DPYD: variants seen among roughly 807,000 people sequenced by gnomAD.
DPYD encodes dihydropyrimidine dehydrogenase, also known as dihydropyrimidine dehydrogenase [NADP(+)].
A neutral mutation model predicts 116.2 loss-of-function variants in DPYD; 109 were observed. The ratio of observed to expected loss-of-function variants is 0.94; its 90% confidence interval spans 0.80 to 1.10. DPYD has a LOEUF of 1.10. Ranked by LOEUF, DPYD falls within the 50% of genes least tolerant of loss-of-function variation. DPYD has a pLI of 0.00. For missense variants in DPYD, 1,302 were observed against 1,254.5 expected (o/e 1.04, Z -0.57); for synonymous variants, 440 against 432.0 (o/e 1.02, Z -0.23).
At chr1:97,626,542 C>T (rs1471645312) in intron 8 of DPYD, among the ~76,000 whole-genome samples, 5 of 152,064 alleles carry the variant, frequency 3.3e-5, no homozygotes, top group Admixed American at 2.6e-4. Context: ...AATTGGTTCA[C>T]ATTTTGCCTC....
intron 12 of DPYD, among the ~76,000 whole-genome samples, chr1:97,523,931 T>G (rs571908100): frequency 6.6e-6 from 1 of 152,272 alleles, no homozygotes; most frequent in East Asian, 1.9e-4. Context: ...TTAATGCCAC[T>G]GGAACTGTAC....
At chr1:97,164,405 T>G (rs148700308) in intron 20 of DPYD, among the ~76,000 whole-genome samples, 108 of 152,176 alleles carry the variant, frequency 7.1e-4, no homozygotes, top group African/African-American at 2.4e-3. Context: ...CTATTCAACA[T>G]GGTACTGGAA....
intron 11 of DPYD, among the ~76,000 whole-genome samples, chr1:97,569,392 A>G (rs1031351362): frequency 5.4e-5 from 8 of 148,640 alleles, no homozygotes; most frequent in Admixed American, 1.4e-4. Flanking sequence ...ATTAGGAAAT[A>G]TATATATTTA....
At chr1:97,353,445 T>C (rs950556485) in intron 16 of DPYD, among the ~76,000 whole-genome samples, 1 of 152,030 alleles carries the variant, frequency 6.6e-6, no homozygotes, top group Admixed American at 6.6e-5. Context: ...TGGGGTTTTT[T>C]CCCCCTTTTA....
At chr1:97,503,061 G>A (rs977850102) in intron 13 of DPYD, among the ~76,000 whole-genome samples, 2 of 151,952 alleles carry the variant, frequency 1.3e-5, no homozygotes, top group Non-Finnish European at 2.9e-5. Flanking sequence ...GATTCACTAT[G>A]AAAACCATAA....
At chr1:97,801,815 T>A (rs1343988823) in intron 3 of DPYD, among the ~76,000 whole-genome samples, 1 of 151,840 alleles carries the variant, frequency 6.6e-6, no homozygotes, top group East Asian at 1.9e-4. Flanking sequence ...CCATGTGCAG[T>A]AACTATTCAC....
intron 13 of DPYD, among the ~76,000 whole-genome samples, chr1:97,485,273 C>T (rs1678563811): frequency 6.6e-6 from 1 of 152,190 alleles, no homozygotes; most frequent in Non-Finnish European, 1.5e-5. Context: ...TCAATCTTGG[C>T]TCACTGCAAC....
chr1:97,801,395 T>C (rs1667835920), intron 3 of DPYD, among the ~76,000 whole-genome samples: 1 of 151,932 alleles, frequency 6.6e-6, no homozygotes, highest in African/African-American at 2.4e-5. Flanking sequence ...ATTTAGCTTC[T>C]GTTCCTACTC....
Position 97,558,817 on chromosome 1 carries a change from T to C in DPYD, c.1340-9073A>G, listed in dbSNP as rs930468905. 3.9e-5 allele frequency among the ~76,000 whole-genome samples: 6 copies of C among 152,198 alleles called. No individual in the cohort carries two copies. The East Asian group carries it at 1.2e-3, about 29-fold the overall frequency. On this transcript the variant is annotated intron_variant, in intron 11 of 22. Transcript: ENST00000370192. ...GTCCAAGCACTTCACCTTGATCTGC[T>C]TATGTCTCTGAAATAATTCTATCTA...
At chr1:97,613,562 C>A (rs1656080210) in intron 8 of DPYD, among the ~76,000 whole-genome samples, 1 of 151,968 alleles carries the variant, frequency 6.6e-6, no homozygotes, top group African/African-American at 2.4e-5. Flanking sequence ...TTCCGAAACA[C>A]CTGTTTTCAA....
chr1:97,302,200 C>T (rs1666906347), intron 18 of DPYD, among the ~76,000 whole-genome samples: 1 of 151,820 alleles, frequency 6.6e-6, no homozygotes, highest in Non-Finnish European at 1.5e-5. Context: ...CTATACTGTC[C>T]AAAGAAAGGT....
chr1:97,191,129 T>C (rs140418985), intron 20 of DPYD, among the ~76,000 whole-genome samples: 185 of 151,818 alleles, frequency 1.2e-3, no homozygotes, highest in Admixed American at 2.7e-3. Flanking sequence ...TAAGAAAGAA[T>C]GATTAGTTTG....
chr1:97,671,915 TTTTA>T (rs1224556296), intron 8 of DPYD, among the ~76,000 whole-genome samples: 1 of 151,274 alleles, frequency 6.6e-6, no homozygotes, highest in Non-Finnish European at 1.5e-5. Flanking sequence ...TGTCTTTTCT[TTTTA>T]TTTATTTATT....
intron 3 of DPYD, among the ~76,000 whole-genome samples, chr1:97,761,335 T>C (rs1665564472): frequency 6.6e-6 from 1 of 152,054 alleles, no homozygotes; most frequent in African/African-American, 2.4e-5. Flanking sequence ...TCTTTAAAAT[T>C]ACTGTTTAAA....
At chr1:97,806,647 GAACT>G (rs1267527970) in intron 3 of DPYD, among the ~76,000 whole-genome samples, 2 of 151,838 alleles carry the variant, frequency 1.3e-5, no homozygotes, top group South Asian at 2.1e-4. Context: ...TTACAATGAT[GAACT>G]AACATTGACA....
intron 14 of DPYD, among the ~76,000 whole-genome samples, chr1:97,421,436 C>CA (rs1051422834): frequency 1.0e-3 from 153 of 146,502 alleles, no homozygotes; most frequent in African/African-American, 3.6e-3. Context: ...AATTTCTGAG[C>CA]AAAAAACAAA....
At chr1:97,578,044 C>T (rs1438964987) in intron 10 of DPYD, among the ~76,000 whole-genome samples, 1 of 152,032 alleles carries the variant, frequency 6.6e-6, no homozygotes, top group Non-Finnish European at 1.5e-5. Context: ...CGGGGTTTCA[C>T]TCTGTTGGCC....
intron 11 of DPYD, among the ~76,000 whole-genome samples, chr1:97,560,753 G>A (rs1271746385): frequency 1.3e-5 from 2 of 152,150 alleles, no homozygotes; most frequent in African/African-American, 2.4e-5. Flanking sequence ...ACATGAAAGA[G>A]ACTAGTACAA....
intron 14 of DPYD, among the ~76,000 whole-genome samples, chr1:97,398,238 T>C (rs976102533): frequency 6.6e-6 from 1 of 152,120 alleles, no homozygotes; most frequent in Non-Finnish European, 1.5e-5. Context: ...AGAATGATGG[T>C]TTCCAGCTTC....
Sources: allele counts gnomAD v4.1 joint callset (sites outside exome capture counted in the v4.1 genomes callset), GRCh38; gene constraint gnomAD v4.1.1; transcripts MANE v1.5; gene names NCBI Gene and HGNC (gene_info 2026-07-23, HGNC 2026-07-21).